CTNNA2: variants seen among roughly 807,000 people sequenced by gnomAD.
CTNNA2 encodes the protein catenin alpha-2.
CTNNA2 carries 42 observed loss-of-function variants against 101.0 expected under a neutral mutation model. That is an observed-to-expected ratio of 0.42 (90% CI 0.32 to 0.54). The LOEUF (loss-of-function observed/expected upper bound fraction) is 0.54. CTNNA2 is among the 20% of genes least tolerant of loss of function. The probability of loss-of-function intolerance (pLI) is 0.14; values close to 1 mark genes in which losing one functional copy is unlikely to be tolerated. For missense variants in CTNNA2, 871 were observed against 1,223.1 expected, an observed-to-expected ratio of 0.71 and a Z score of 4.29; for synonymous variants, 450 against 456.4, an observed-to-expected ratio of 0.99 and a Z score of 0.18.
chr2:80,189,790 C>CA (rs1408675837), intron 7 of CTNNA2, among the ~76,000 whole-genome samples: 2 of 150,764 alleles, frequency 1.3e-5, no homozygotes, highest in Non-Finnish European at 3.0e-5. Flanking sequence ...CACAATAAAA[C>CA]AAAAAAATAT....
At chr2:80,589,908 G>A (rs906242122) in intron 15 of CTNNA2, among the ~76,000 whole-genome samples, 47 of 149,982 alleles carry the variant, frequency 3.1e-4, no homozygotes, top group East Asian at 3.9e-4. Context: ...GTGTGTGTGC[G>A]CGCGCGCGCA....
At chr2:79,606,174 C>T (rs1336333851) in intron 1 of CTNNA2, among the ~76,000 whole-genome samples, 2 of 152,060 alleles carry the variant, frequency 1.3e-5, no homozygotes, top group Non-Finnish European at 2.9e-5. Context: ...TTGAAATATG[C>T]ATCAACATAT....
chr2:80,084,560 G>A lies in CTNNA2; in HGVS notation c.1056+174763G>A, dbSNP rs144404026. ...TATTGAATTTGTCAAAGAAAACTTC[G>A]GGAATTATAATAAGTAGTTATTATA... On this transcript the variant is annotated intron_variant, in intron 7 of 18. Coordinates refer to ENST00000402739, the MANE Select transcript of CTNNA2 (RefSeq NM_001282597.3). 5.4e-3 allele frequency among the ~76,000 whole-genome samples: 822 copies of A among 152,084 alleles called. 7 individuals carry two copies. The highest frequency in any genetic ancestry group is 0.019 in the African/African-American group (774 of 41,496).
At position 80,279,735 on chromosome 2, in the gene CTNNA2, G is replaced by A. The variant is rs114803282; in HGVS notation, c.1057-113476G>A. Among the ~76,000 whole-genome samples, 788 of 152,224 alleles carry A rather than the reference G, an allele frequency of 5.2e-3. 6 individuals are homozygous for A. Among genetic ancestry groups the A allele is most frequent in the Non-Finnish European group, 8.6e-3 (582 of 68,002 alleles). On this transcript the variant is annotated intron_variant, in intron 7 of 18. Transcript: ENST00000402739. ...GGTATTACATAGAAAGCCTTGAAAT[G>A]TTCCTTGCCCAAGTGAGAGGCAGTG... is the stretch of plus-strand genomic sequence containing the variant.
chr2:79,759,492 C>T (rs1011326471), intron 3 of CTNNA2, among the ~76,000 whole-genome samples: 2 of 152,180 alleles, frequency 1.3e-5, no homozygotes, highest in Admixed American at 6.5e-5. Flanking sequence ...CAAGCTTGCT[C>T]TGCTTTGAGT....
chr2:80,067,555 A>G (rs1187845056), intron 7 of CTNNA2, among the ~76,000 whole-genome samples: 1 of 152,164 alleles, frequency 6.6e-6, no homozygotes, highest in Non-Finnish European at 1.5e-5. Context: ...AAGGAAAATT[A>G]TTTTTATCTG....
chr2:79,744,228 C>T, intron 2 of CTNNA2, among the ~76,000 whole-genome samples, 159 bp from the exon 3 acceptor site: 1 of 152,080 alleles, frequency 6.6e-6, no homozygotes, highest in East Asian at 1.9e-4. Context: ...TCACACTTTC[C>T]TTGATAAGGT....
At chr2:79,926,302 A>G (rs1687016880) in intron 7 of CTNNA2, among the ~76,000 whole-genome samples, 1 of 152,110 alleles carries the variant, frequency 6.6e-6, no homozygotes, top group Admixed American at 6.6e-5. Flanking sequence ...GGCATGCATC[A>G]TTTTCACCAT....
At chr2:79,693,638 G>A (rs1000750846) in intron 2 of CTNNA2, among the ~76,000 whole-genome samples, 1 of 151,896 alleles carries the variant, frequency 6.6e-6, no homozygotes, top group Non-Finnish European at 1.5e-5. Context: ...GAAGGTAAAA[G>A]CTGTCAGGAG....
intron 5 of CTNNA2, among the ~76,000 whole-genome samples, chr2:79,870,280 G>A (rs1416779679): frequency 6.6e-6 from 1 of 152,150 alleles, no homozygotes; most frequent in Non-Finnish European, 1.5e-5. Context: ...TCAGTCTCTG[G>A]ATGTCACCCT....
At chr2:80,498,405 C>T (rs1687630311) in intron 9 of CTNNA2, among the ~76,000 whole-genome samples, 1 of 152,198 alleles carries the variant, frequency 6.6e-6, no homozygotes, top group Non-Finnish European at 1.5e-5. Flanking sequence ...TAATGATTTT[C>T]TTAAGGCCAA....
intron 1 of CTNNA2, among the ~76,000 whole-genome samples, chr2:79,567,920 A>G (rs1675216320): frequency 6.6e-6 from 1 of 152,194 alleles, no homozygotes; most frequent in Non-Finnish European, 1.5e-5. Flanking sequence ...ACTGAGCCAG[A>G]GAAGACTGGA....
chr2:80,023,765 A>C (rs1348884281), intron 7 of CTNNA2, among the ~76,000 whole-genome samples: 6 of 152,200 alleles, frequency 3.9e-5, no homozygotes, highest in Non-Finnish European at 5.9e-5. Flanking sequence ...ATTATAAATT[A>C]TAGTTGCTGC....
At chr2:80,219,540 G>A (rs777236652) in intron 7 of CTNNA2, among the ~76,000 whole-genome samples, 3 of 151,954 alleles carry the variant, frequency 2.0e-5, no homozygotes, top group Non-Finnish European at 2.9e-5. Flanking sequence ...CCTAATTTAA[G>A]ATCTAGAATA....
chr2:79,505,081 A>C (rs1671383017), exon 5 of CTNNA2: 1 of 152,296 alleles, frequency 6.6e-6, no homozygotes, highest in African/African-American at 2.4e-5. Context: ...GCACTCCTTC[A>C]AGGACCATGG....
chr2:79,719,170 A>AATTC (rs748911013), intron 2 of CTNNA2, among the ~76,000 whole-genome samples: 4 of 152,070 alleles, frequency 2.6e-5, no homozygotes, highest in Non-Finnish European at 4.4e-5. Context: ...AGATTATGTT[A>AATTC]ATTCACTGTC....
At chr2:79,573,914 A>G (rs1453407587) in intron 1 of CTNNA2, 3 of 153,288 alleles carry the variant, frequency 2.0e-5, no homozygotes, top group Non-Finnish European at 4.4e-5. Context: ...ATTCCAAGAA[A>G]TAGTCTTTAT....
At chr2:79,897,730 G>A (rs1669462400) in intron 6 of CTNNA2, among the ~76,000 whole-genome samples, 1 of 152,102 alleles carries the variant, frequency 6.6e-6, no homozygotes, top group South Asian at 2.1e-4. Context: ...CCCAAGAATG[G>A]GTAATTTACA....
At chr2:79,285,105 T>C (rs1471578260) in intron 2 of CTNNA2, among the ~76,000 whole-genome samples, 1 of 151,340 alleles carries the variant, frequency 6.6e-6, no homozygotes, top group East Asian at 1.9e-4. Flanking sequence ...TCGGTGGTGA[T>C]ATCCCCTTTA....
Sources: gnomAD v4.1 joint callset for allele counts (sites outside exome capture counted in the v4.1 genomes callset) on GRCh38, gnomAD v4.1.1 for gene constraint, MANE v1.5 for transcripts, NCBI Gene and HGNC (gene_info 2026-07-23, HGNC 2026-07-21) for gene names.